The following RAB38 variants were observed in gnomAD, a reference collection of about 807,000 sequenced individuals.
RAB38 encodes ras-related protein Rab-38.
In RAB38, 15 loss-of-function variants were observed where a neutral mutation model predicts 18.4. The ratio of observed to expected loss-of-function variants is 0.82; its 90% CI spans 0.55 to 1.26. RAB38 has a LOEUF of 1.26. RAB38 is among the 50% of genes most tolerant of loss of function. RAB38 has a pLI of 0.00. For missense variants in RAB38, 294 were observed against 267.4 expected, an observed-to-expected ratio of 1.10 and a Z score of -0.69; for synonymous variants, 101 against 104.4, an observed-to-expected ratio of 0.97 and a Z score of 0.20.
At chr11:87,892,212 A>G in the RAB38 span, among the ~76,000 whole-genome samples, 1 of 151,802 alleles carries the variant, frequency 6.6e-6, no homozygotes, top group Non-Finnish European at 1.5e-5. Flanking sequence ...AAGCTCACTC[A>G]CCAAGGAGGT....
the RAB38 span, among the ~76,000 whole-genome samples, chr11:88,007,153 TA>T: frequency 1.2e-3 from 188 of 151,836 alleles, 1 homozygote; most frequent in African/African-American, 4.4e-3. Context: ...AATAAAAAGA[TA>T]AAATTACACT....
the RAB38 span, among the ~76,000 whole-genome samples, chr11:87,839,399 C>T: frequency 6.6e-6 from 1 of 152,154 alleles, no homozygotes; most frequent in Admixed American, 6.5e-5. Flanking sequence ...GGGCTTTGAC[C>T]TGTGTTTATC....
At chr11:87,905,857 C>A in the RAB38 span, among the ~76,000 whole-genome samples, 3 of 152,054 alleles carry the variant, frequency 2.0e-5, no homozygotes, top group East Asian at 5.9e-4. Flanking sequence ...TGTACTCTGA[C>A]TGCAAATTAG....
chr11:88,050,442 G>C, the RAB38 span, among the ~76,000 whole-genome samples: 6 of 152,132 alleles, frequency 3.9e-5, no homozygotes, highest in Non-Finnish European at 7.4e-5. Context: ...TTCTGTTTCT[G>C]TCTTTCTCTG....
the RAB38 span, among the ~76,000 whole-genome samples, chr11:88,032,400 A>G: frequency 6.6e-6 from 1 of 152,232 alleles, no homozygotes; most frequent in Non-Finnish European, 1.5e-5. Flanking sequence ...TAAACTTAAG[A>G]GCTTCTGCAC....
chr11:88,018,966 T>A, the RAB38 span, among the ~76,000 whole-genome samples: 1 of 149,832 alleles, frequency 6.7e-6, no homozygotes, highest in East Asian at 1.9e-4. Flanking sequence ...ATTTTTTTTA[T>A]TTTTGGAAGG....
chr11:87,935,701 AT>A, the RAB38 span, among the ~76,000 whole-genome samples: 1 of 152,036 alleles, frequency 6.6e-6, no homozygotes, highest in Non-Finnish European at 1.5e-5. Context: ...GATTTAGAAC[AT>A]TTCCATTACC....
chr11:87,924,412 T>G, the RAB38 span, among the ~76,000 whole-genome samples: 1 of 152,018 alleles, frequency 6.6e-6, no homozygotes, highest in African/African-American at 2.4e-5. Flanking sequence ...TCTCAGCTGA[T>G]GCAACATGAG....
At chr11:87,973,180 A>T in the RAB38 span, among the ~76,000 whole-genome samples, 1 of 152,108 alleles carries the variant, frequency 6.6e-6, no homozygotes, top group Non-Finnish European at 1.5e-5. Flanking sequence ...ACAAGGAAAG[A>T]AAGAAAATGT....
At chr11:87,869,611 G>A in the RAB38 span, among the ~76,000 whole-genome samples, 5 of 151,590 alleles carry the variant, frequency 3.3e-5, no homozygotes, top group African/African-American at 4.8e-5. Context: ...TGTAGTCCTC[G>A]TTTTTACTAT....
the RAB38 span, among the ~76,000 whole-genome samples, chr11:87,957,665 T>A: frequency 6.6e-6 from 1 of 152,066 alleles, no homozygotes; most frequent in African/African-American, 2.4e-5. Flanking sequence ...ATGACCTGCT[T>A]TCAGGGAAGG....
At chr11:87,947,761 C>A in the RAB38 span, among the ~76,000 whole-genome samples, 1 of 152,112 alleles carries the variant, frequency 6.6e-6, no homozygotes, top group East Asian at 1.9e-4. Context: ...TGTTTTGGTA[C>A]CAGTACCATG....
At chr11:87,884,310 A>AAGGC in the RAB38 span, among the ~76,000 whole-genome samples, 1 of 151,996 alleles carries the variant, frequency 6.6e-6, no homozygotes, top group African/African-American at 2.4e-5. Context: ...GAAGTAAAGG[A>AAGGC]AGGCAGGATT....
the RAB38 span, among the ~76,000 whole-genome samples, chr11:87,948,241 A>AT: frequency 2.6e-5 from 4 of 152,156 alleles, no homozygotes; most frequent in Non-Finnish European, 5.9e-5. Context: ...TTGCACATTG[A>AT]TTTTGTATCC....
At chr11:88,158,244 C>A in intron 1 of RAB38, among the ~76,000 whole-genome samples, 1 of 151,862 alleles carries the variant, frequency 6.6e-6, no homozygotes, top group Non-Finnish European at 1.5e-5. Context: ...GAATTAAAAC[C>A]CTGAATAGAC....
the RAB38 span, among the ~76,000 whole-genome samples, chr11:87,948,027 G>A: frequency 3.2e-3 from 491 of 152,288 alleles, 2 homozygotes; most frequent in African/African-American, 0.011. Context: ...GTACCCATGA[G>A]CATGGAATGT....
the RAB38 span, among the ~76,000 whole-genome samples, chr11:87,952,083 T>TGG: frequency 6.6e-6 from 1 of 152,030 alleles, no homozygotes; most frequent in East Asian, 1.9e-4. Flanking sequence ...GAGGAAGCAG[T>TGG]GGGTAAGGTC....
chr11:88,118,199 CAGCA>C (rs1942582758), intron 2 of RAB38, among the ~76,000 whole-genome samples: 1 of 152,240 alleles, frequency 6.6e-6, no homozygotes, highest in Non-Finnish European at 1.5e-5. Context: ...CACCTGGTTC[CAGCA>C]TGCAAGGTAG....
At chr11:87,860,421 C>A in the RAB38 span, among the ~76,000 whole-genome samples, 1 of 151,834 alleles carries the variant, frequency 6.6e-6, no homozygotes, top group Admixed American at 6.6e-5. Flanking sequence ...GCAATGTATA[C>A]AAAGTTTACA....
Sources: gnomAD v4.1 joint callset for allele counts (sites outside exome capture counted in the v4.1 genomes callset) on GRCh38, gnomAD v4.1.1 for gene constraint, MANE v1.5 for transcripts, NCBI Gene and HGNC (gene_info 2026-07-23, HGNC 2026-07-21) for gene names.